The following CSMD1 variants were observed in gnomAD, a reference collection of about 807,000 sequenced individuals.
The protein encoded by CSMD1 is CUB and sushi domain-containing protein 1.
A neutral mutation model predicts 417.5 loss-of-function variants in CSMD1; 213 were observed. The observed-to-expected ratio is 0.51, with a 90% CI of 0.46 to 0.57. The LOEUF is 0.57. CSMD1 is among the 20% of genes least tolerant of loss of function. The pLI is 0.00. For synonymous variants in CSMD1, 2,862 were observed against 1,736.8 expected, an observed-to-expected ratio of 1.65 and a Z score of -16.11; for missense variants, 6,923 against 4,529.7, an observed-to-expected ratio of 1.53 and a Z score of -15.17.
At chr8:3,816,804 G>C (rs74579593) in intron 5 of CSMD1, among the ~76,000 whole-genome samples, 5,408 of 151,990 alleles carry the variant, frequency 0.036, 141 homozygotes, top group African/African-American at 0.081. Context: ...CTGTATATAG[G>C]GTTTGGTACT....
intron 5 of CSMD1, among the ~76,000 whole-genome samples, chr8:3,867,219 C>A (rs958449519): frequency 1.8e-4 from 28 of 152,158 alleles, no homozygotes; most frequent in Non-Finnish European, 1.3e-4. Flanking sequence ...TGAATTAATG[C>A]ATGAATAAAT....
intron 3 of CSMD1, among the ~76,000 whole-genome samples, chr8:4,191,844 C>G (rs1020764490): frequency 6.6e-6 from 1 of 151,274 alleles, no homozygotes; most frequent in African/African-American, 2.4e-5. Context: ...TCAGCAAAAT[C>G]AACAGTCAGT....
intron 10 of CSMD1, among the ~76,000 whole-genome samples, chr8:3,494,383 G>A (rs148585487): frequency 2.0e-5 from 3 of 152,098 alleles, no homozygotes; most frequent in Admixed American, 6.6e-5. Context: ...CCTGAAAGAA[G>A]AAATGCTTCC....
At chr8:3,718,909 G>A (rs970535282) in intron 6 of CSMD1, among the ~76,000 whole-genome samples, 1 of 152,036 alleles carries the variant, frequency 6.6e-6, no homozygotes, top group African/African-American at 2.4e-5. Flanking sequence ...TTACACCACC[G>A]GAGCCAATTT....
intron 4 of CSMD1, among the ~76,000 whole-genome samples, chr8:4,015,258 A>T (rs1194988480): frequency 6.6e-6 from 1 of 152,234 alleles, no homozygotes; most frequent in African/African-American, 2.4e-5. Context: ...AACATAATTG[A>T]TAAAAACACA....
intron 46 of CSMD1, among the ~76,000 whole-genome samples, chr8:3,103,190 C>T (rs964366902): frequency 2.0e-5 from 3 of 152,204 alleles, no homozygotes; most frequent in Non-Finnish European, 4.4e-5. Flanking sequence ...TACATAAGCT[C>T]TAAAAAACTT....
chr8:2,988,515 A>G (rs1806120667), intron 54 of CSMD1, among the ~76,000 whole-genome samples: 1 of 152,196 alleles, frequency 6.6e-6, no homozygotes. Flanking sequence ...CACATAGTTT[A>G]GAATAGGGGA....
chr8:4,124,223 G>C (rs917247888), intron 3 of CSMD1, among the ~76,000 whole-genome samples: 1 of 152,116 alleles, frequency 6.6e-6, no homozygotes, highest in African/African-American at 2.4e-5. Flanking sequence ...AGGGCTCCTG[G>C]GCAGGGGAGT....
intron 22 of CSMD1, 21 bp from the exon 23 acceptor site, chr8:3,343,471 G>C (rs1382100725): frequency 1.9e-6 from 3 of 1,606,368 alleles, no homozygotes; most frequent in Non-Finnish European, 1.7e-6. Flanking sequence ...TTCACAGCAT[G>C]AGTCCCTCTA....
At chr8:4,041,047 C>T (rs547554350) in intron 3 of CSMD1, among the ~76,000 whole-genome samples, 66 of 124,130 alleles carry the variant, frequency 5.3e-4, no homozygotes, top group African/African-American at 1.9e-3. Context: ...GACGGAGTCT[C>T]GCTCTGTCGC....
intron 3 of CSMD1, among the ~76,000 whole-genome samples, chr8:4,315,710 A>C (rs1027335586): frequency 6.6e-6 from 1 of 152,214 alleles, no homozygotes; most frequent in Non-Finnish European, 1.5e-5. Context: ...TCATATTTGT[A>C]GGTATAGATT....
intron 6 of CSMD1, among the ~76,000 whole-genome samples, chr8:3,734,402 A>G (rs182755132): frequency 3.9e-5 from 6 of 152,312 alleles, no homozygotes; most frequent in Non-Finnish European, 7.4e-5. Context: ...CATTGGGAAC[A>G]CTGCTCAATT....
intron 3 of CSMD1, among the ~76,000 whole-genome samples, chr8:4,211,037 A>G (rs1228387824): frequency 6.6e-6 from 1 of 152,214 alleles, no homozygotes; most frequent in Non-Finnish European, 1.5e-5. Context: ...ATATTTTAAA[A>G]TACAAACACA....
intron 11 of CSMD1, among the ~76,000 whole-genome samples, chr8:3,483,298 G>C (rs1214374259): frequency 6.6e-6 from 1 of 151,874 alleles, no homozygotes; most frequent in Non-Finnish European, 1.5e-5. Flanking sequence ...ATAAAATAGA[G>C]GCTATTACTA....
At chr8:3,381,297 C>A (rs763641962) in intron 18 of CSMD1, among the ~76,000 whole-genome samples, 27 of 152,106 alleles carry the variant, frequency 1.8e-4, no homozygotes, top group Admixed American at 3.9e-4. Flanking sequence ...AGCTTACACA[C>A]ACCCTATGTT....
intron 5 of CSMD1, among the ~76,000 whole-genome samples, chr8:3,967,766 C>T (rs193223507): frequency 6.6e-6 from 1 of 152,048 alleles, no homozygotes; most frequent in African/African-American, 2.4e-5. Context: ...TTTAATATTA[C>T]GTGTGAACTA....
chr8:3,665,589 A>C (rs1286250637), intron 7 of CSMD1, among the ~76,000 whole-genome samples: 2 of 152,154 alleles, frequency 1.3e-5, no homozygotes, highest in South Asian at 2.1e-4. Context: ...ATCCCACTTA[A>C]TATTAACCAA....
At chr8:3,407,380 G>C (rs1812412238) in intron 14 of CSMD1, among the ~76,000 whole-genome samples, 1 of 151,498 alleles carries the variant, frequency 6.6e-6, no homozygotes, top group African/African-American at 2.4e-5. Context: ...ACAATGGATT[G>C]ATGGAACGAT....
rs543067035 is a variant in CSMD1, at chr8:4,053,561, G to C, written c.416-21462C>G. On this transcript the variant is annotated intron_variant, in intron 3 of 69. Transcript: ENST00000635120. Reference sequence around the variant, plus strand: ...CAAGTGGTTTTCTCTGACCTTGCAAGCTGGTCCTCAATTTCCACTCCTGCT... The same window carrying C: ...CAAGTGGTTTTCTCTGACCTTGCAACCTGGTCCTCAATTTCCACTCCTGCT... Among the ~76,000 whole-genome samples the C allele has an allele frequency of 2.6e-5, 4 of 152,148 alleles. No homozygotes were observed. In the East Asian group the frequency reaches 7.7e-4, roughly 29 times the overall value.
Sources: allele counts gnomAD v4.1 joint callset (sites outside exome capture counted in the v4.1 genomes callset), GRCh38; gene constraint gnomAD v4.1.1; transcripts MANE v1.5; gene names NCBI Gene and HGNC (gene_info 2026-07-23, HGNC 2026-07-21).